The following SPTBN2 variants were observed in gnomAD, a reference collection of about 807,000 sequenced individuals.
SPTBN2 encodes spectrin beta, non-erythrocytic 2, also known as spectrin beta chain, non-erythrocytic 2.
SPTBN2 carries 107 observed loss-of-function variants against 284.2 expected under a neutral mutation model. The observed-to-expected ratio is 0.38, with a 90% CI of 0.32 to 0.44. SPTBN2 has a LOEUF of 0.44. Among genes scored for constraint, SPTBN2 ranks in the 20% least tolerant of loss-of-function variants. The probability of loss-of-function intolerance (pLI) is 1.00; values close to 1 mark genes in which losing one functional copy is unlikely to be tolerated. For missense variants in SPTBN2, 2,569 were observed against 3,287.1 expected (o/e 0.78, Z 5.34); for synonymous variants, 1,289 against 1,354.8 (o/e 0.95, Z 1.07).
Position 66,686,443 on chromosome 11 carries a change from G to A in SPTBN2, c.6897-3C>T, listed in dbSNP as rs1190114570. Reference sequence around the variant, plus strand: ...AATATTCTTTTCCATCCTGTAAGCTGTTGGGAGAGAGAGGCCACAGGGCAG... The same window carrying A: ...AATATTCTTTTCCATCCTGTAAGCTATTGGGAGAGAGAGGCCACAGGGCAG... On this transcript the variant is annotated splice_region_variant and splice_polypyrimidine_tract_variant and intron_variant, in intron 36 of 37. Coordinates refer to ENST00000533211, the MANE Select transcript of SPTBN2 (RefSeq NM_006946.4). 1.2e-6 allele frequency: 2 copies of A among 1,613,868 alleles called. No individual in the cohort carries two copies. The highest frequency in any genetic ancestry group is 1.7e-6 in the Non-Finnish European group (2 of 1,179,876).
Position 66,713,621 on chromosome 11 carries a change from C to A in SPTBN2, c.772+10G>T. 6.2e-7 allele frequency: 1 copy of A among 1,610,572 alleles called. No homozygotes were observed. Among genetic ancestry groups the A allele is most frequent in the Non-Finnish European group, 8.5e-7 (1 of 1,177,192 alleles). ...CCTACCACCTCTTTTTCACATAGCTCTGGCCCCACCTTCGGGATCCAGCAG... is the reference window on the plus strand; with the variant it reads ...CCTACCACCTCTTTTTCACATAGCTATGGCCCCACCTTCGGGATCCAGCAG... On this transcript the variant is annotated intron_variant, in intron 8 of 37. Coordinates refer to ENST00000533211, the MANE Select transcript of SPTBN2 (RefSeq NM_006946.4).
In SPTBN2 at chr11:66,707,857, G is replaced by T; in HGVS notation, c.1351-39C>A. On this transcript the variant is annotated intron_variant, in intron 12 of 37. Coordinates refer to ENST00000533211, the MANE Select transcript of SPTBN2 (RefSeq NM_006946.4). The surrounding 1 kb of genome is among the most constrained non-coding windows in gnomAD (Gnocchi z 4.9). ...AGGGAGAGGAGGTGTGGGGACCAAG[G>T]GACAGTGCCTCTGCCTGCTCCTCTG... 6.2e-7 allele frequency: 1 copy of T among 1,600,806 alleles called. No homozygotes were observed.
At chr11:66,695,785 G>A (rs1304798719) in intron 21 of SPTBN2, among the ~76,000 whole-genome samples, 1 of 151,596 alleles carries the variant, frequency 6.6e-6, no homozygotes, top group Non-Finnish European at 1.5e-5. Context: ...GCTGGAGTGC[G>A]ATGGCATGAT....
chr11:66,732,936 A>T (rs1446590727), upstream of SPTBN2, among the ~76,000 whole-genome samples: 3 of 151,266 alleles, frequency 2.0e-5, no homozygotes, highest in Non-Finnish European at 4.4e-5. Flanking sequence ...ACTGCACTCC[A>T]GCCTGGGGGA....
chr11:66,687,135 C>G lies in SPTBN2; in HGVS notation c.6755G>C (p.Arg2252Pro), dbSNP rs529514462. 1.9e-6 allele frequency: 3 copies of G among 1,613,918 alleles called. No homozygotes were observed. Among genetic ancestry groups the G allele is most frequent in the South Asian group, 2.2e-5 (2 of 91,092 alleles). ...SWQNVYCVLR[R>P]GSLGFYKDAK... Reference sequence around the variant, plus strand: ...ATCCTTGTAAAAGCCGAGGCTCCCACGCCGCAGGACACAGTACACGTTCTG... The same window carrying G: ...ATCCTTGTAAAAGCCGAGGCTCCCAGGCCGCAGGACACAGTACACGTTCTG... The change falls in exon 36 of 38, where the codon CGT becomes CCT. Residue 2252 changes from arginine to proline, a missense_variant. Physicochemically the swap from Arg to Pro is moderately radical, Grantham distance 103. Transcript: ENST00000533211. The surrounding 1 kb of genome is among the most constrained non-coding windows in gnomAD (Gnocchi z 5.2).
At chr11:66,727,498 C>T (rs1379875208) in intron 1 of SPTBN2, among the ~76,000 whole-genome samples, 1 of 152,240 alleles carries the variant, frequency 6.6e-6, no homozygotes, top group Admixed American at 6.5e-5. Context: ...AACACCCCCG[C>T]GAGCAGGCCT....
In SPTBN2 at chr11:66,706,327, C is replaced by T. The variant is rs140916129; in HGVS notation, c.1654-490G>A. On this transcript the variant is annotated intron_variant, in intron 13 of 37. Transcript: ENST00000533211. ...TCCCCCTCTCAAAACCTTCTAATCA[C>T]TTTATTTATTTATTTATTTTGAGAT... is the stretch of plus-strand genomic sequence containing the variant. 9.7e-3 allele frequency among the ~76,000 whole-genome samples: 1,482 copies of T among 152,284 alleles called. 9 individuals carry two copies. The highest frequency in any genetic ancestry group is 0.017 in the Non-Finnish European group (1,172 of 68,022).
intron 1 of SPTBN2, among the ~76,000 whole-genome samples, chr11:66,742,833 C>T (rs1367413939): frequency 6.6e-6 from 1 of 152,168 alleles, no homozygotes; most frequent in Non-Finnish European, 1.5e-5. Flanking sequence ...TGGTCTCGAA[C>T]TCCTGACCTC....
At chr11:66,728,213 C>T (rs1356323998) in intron 1 of SPTBN2, 5 of 145,214 alleles carry the variant, frequency 3.4e-5, no homozygotes, top group Non-Finnish European at 6.1e-5. Context: ...CGGGGGCGCA[C>T]CGGTAGTTGC....
upstream of SPTBN2, among the ~76,000 whole-genome samples, chr11:66,732,634 A>G (rs1306547988): frequency 1.4e-4 from 19 of 133,386 alleles, no homozygotes; most frequent in African/African-American, 5.2e-4. Context: ...TGGGCAACAG[A>G]GCAAGACTCT....
chr11:66,706,823 G>C (rs540745166), intron 13 of SPTBN2, among the ~76,000 whole-genome samples: 1 of 151,980 alleles, frequency 6.6e-6, no homozygotes, highest in East Asian at 1.9e-4. Context: ...ATAGACACGG[G>C]GTTTCACCAT....
Position 66,708,337 on chromosome 11 carries a change from T to G in SPTBN2, c.1192-38A>C, listed in dbSNP as rs1590955741. 1 of 1,533,536 alleles carries G rather than the reference T, an allele frequency of 6.5e-7. No individual in the cohort carries two copies. Among genetic ancestry groups the G allele is most frequent in the Non-Finnish European group, 8.8e-7 (1 of 1,135,398 alleles). 95.0% of individuals were successfully genotyped at this position (1,533,536 alleles called of 1,614,324 possible). A position where few individuals can be genotyped will look rare whatever the true frequency, so the allele number is the denominator to read the frequency against. On this transcript the variant is annotated intron_variant, in intron 11 of 37. Coordinates refer to ENST00000533211, the MANE Select transcript of SPTBN2 (RefSeq NM_006946.4). The surrounding 1 kb of genome is among the most constrained non-coding windows in gnomAD (Gnocchi z 4.4). ...GACAGGGTTAGTGGAAGGGACAGGG[T>G]GGGGAGGGCTCAGTGGGGCTGGAGG...
At position 66,705,450 on chromosome 11, in the gene SPTBN2, G is replaced by A. The variant is rs1051567273; in HGVS notation, c.1826C>T (p.Pro609Leu). The change falls in exon 15 of 38, where the codon CCG (proline) becomes CTG (leucine). Residue 609 changes from proline (P) to leucine (L), a missense_variant. Around this residue, in one of 6 missense-constraint regions of SPTBN2, gnomAD observed 1,012 missense variants for 1,248.9 expected, o/e 0.81. Transcript: ENST00000533211. ...GGCCACCCGCTCCGACACCAGCTGC[G>A]GGTCGCAAGGTCTATACTCTGAGAA... ...NPGKEYRPCD[P>L]QLVSERVAKL... The A allele has an allele frequency of 4.3e-6, 7 of 1,613,052 alleles. No individual in the cohort carries two copies. Among genetic ancestry groups the A allele is most frequent in the East Asian group, 2.2e-5 (1 of 44,876 alleles).
At chr11:66,686,902 AG>A (rs751251323) in intron 36 of SPTBN2, 91 bp downstream of exon 36, 412 of 1,568,652 alleles carry the variant, frequency 2.6e-4, no homozygotes, top group Non-Finnish European at 3.3e-4. Context: ...GGCTCCTTAC[AG>A]GAACTCCCCT....
At position 66,700,508 on chromosome 11, in the gene SPTBN2, T is replaced by G. The variant is rs1478928579; in HGVS notation, c.3573+18A>C. The G allele has an allele frequency of 4.4e-6, 7 of 1,601,514 alleles. No individual in the cohort carries two copies. The African/African-American group carries it at 8.0e-5, about 18-fold the overall frequency. On this transcript the variant is annotated intron_variant, in intron 17 of 37. Coordinates refer to ENST00000533211, the MANE Select transcript of SPTBN2 (RefSeq NM_006946.4). This position sits in a 1 kb window ranked among gnomAD's most constrained non-coding sequence, Gnocchi z 6.6. ...CTTTGCTCTTCCTCCTGCTTGGGACTTTGCCCTGGACTTTCACCTGGCTGC... is the reference window on the plus strand; with the variant it reads ...CTTTGCTCTTCCTCCTGCTTGGGACGTTGCCCTGGACTTTCACCTGGCTGC...
In SPTBN2 at chr11:66,687,317, C is replaced by T. The variant is rs547289332; in HGVS notation, c.6722+110G>A. ...CTCCCCTGAGGCCCCGCTCTGGTCC[C>T]AAGTCCTACCCTTTGCCCAGAAGAT... On this transcript the variant is annotated intron_variant, in intron 35 of 37. Transcript: ENST00000533211. This position sits in a 1 kb window ranked among gnomAD's most constrained non-coding sequence, Gnocchi z 5.2. 115 of 1,553,106 alleles carry T rather than the reference C, an allele frequency of 7.4e-5. 1 individual carries two copies. Among genetic ancestry groups the T allele is most frequent in the South Asian group, 5.4e-4 (48 of 89,512 alleles).
chr11:66,696,638 G>T (rs1329869352), intron 20 of SPTBN2, 98 bp from the exon 21 acceptor site: 3 of 1,506,416 alleles, frequency 2.0e-6, no homozygotes, highest in Non-Finnish European at 2.7e-6. Context: ...GAGACCTGAA[G>T]TGTGGGCAAT....
chr11:66,719,195 C>T (rs991999304), intron 3 of SPTBN2, among the ~76,000 whole-genome samples: 1 of 152,246 alleles, frequency 6.6e-6, no homozygotes, highest in African/African-American at 2.4e-5. Context: ...CTGTGCGAGG[C>T]ATTTTCCTTC....
chr11:66,722,963 G>A (rs928921700), intron 1 of SPTBN2, among the ~76,000 whole-genome samples: 2 of 151,526 alleles, frequency 1.3e-5, no homozygotes, highest in Non-Finnish European at 2.9e-5. Context: ...AAACAGTGCC[G>A]GGTTTTGAAA....
Sources: gnomAD v4.1 joint callset for allele counts (sites outside exome capture counted in the v4.1 genomes callset) on GRCh38, gnomAD v4.1.1 for gene constraint, gnomAD v4.1.1 regional missense constraint, Gnocchi (gnomAD v3.1) non-coding constraint, MANE v1.5 for transcripts, NCBI Gene and HGNC (gene_info 2026-07-23, HGNC 2026-07-21) for gene names.